MYRIP: variants seen among roughly 807,000 people sequenced by gnomAD.
MYRIP encodes the protein myosin VIIA and Rab interacting protein.
MYRIP carries 49 observed loss-of-function variants against 98.0 expected under a neutral mutation model. The ratio of observed to expected loss-of-function variants is 0.50; its 90% CI spans 0.40 to 0.63. The LOEUF is 0.63. MYRIP is among the 30% of genes least tolerant of loss of function. The pLI is 0.00. For missense variants in MYRIP, 1,004 were observed against 1,058.2 expected (o/e 0.95, Z 0.71); for synonymous variants, 404 against 409.5 (o/e 0.99, Z 0.16).
chr3:39,880,213 C>A (rs965777286), intron 1 of MYRIP, among the ~76,000 whole-genome samples: 18 of 152,184 alleles, frequency 1.2e-4, no homozygotes, highest in Non-Finnish European at 1.8e-4. Flanking sequence ...CCCACTCCCC[C>A]CAGGGTCAAA....
chr3:40,074,574 C>A (rs1948302746), intron 3 of MYRIP, among the ~76,000 whole-genome samples: 1 of 151,698 alleles, frequency 6.6e-6, no homozygotes, highest in Admixed American at 6.6e-5. Flanking sequence ...TTAGTAACTT[C>A]AAAAAGTAAC....
At chr3:40,234,953 A>G (rs527934384) in intron 12 of MYRIP, among the ~76,000 whole-genome samples, 1 of 148,902 alleles carries the variant, frequency 6.7e-6, no homozygotes, top group African/African-American at 2.5e-5. Context: ...AGGTGGTGCC[A>G]TTGCACTCCA....
At chr3:39,997,320 A>T (rs950184197) in intron 2 of MYRIP, among the ~76,000 whole-genome samples, 26 of 152,162 alleles carry the variant, frequency 1.7e-4, no homozygotes, top group Non-Finnish European at 8.8e-5. Context: ...GAGAAGAATC[A>T]AAAAGATGGA....
intron 2 of MYRIP, among the ~76,000 whole-genome samples, chr3:40,039,295 A>G (rs762861052): frequency 3.3e-5 from 5 of 152,172 alleles, no homozygotes; most frequent in South Asian, 2.1e-4. Context: ...GTTGAAAACA[A>G]TCTTCATCAG....
chr3:39,837,381 T>C (rs1276914840), intron 1 of MYRIP, among the ~76,000 whole-genome samples: 1 of 152,194 alleles, frequency 6.6e-6, no homozygotes, highest in Non-Finnish European at 1.5e-5. Context: ...CCATCTTGAG[T>C]TAATTTTTGT....
chr3:40,116,303 C>A (rs115354892), intron 3 of MYRIP, among the ~76,000 whole-genome samples: 2,544 of 152,210 alleles, frequency 0.017, 24 homozygotes, highest in Middle Eastern at 0.048. Flanking sequence ...GAAAGTAAGA[C>A]GTGGTCTCAA....
chr3:39,857,577 G>A (rs907168406), intron 1 of MYRIP, among the ~76,000 whole-genome samples: 1 of 152,026 alleles, frequency 6.6e-6, no homozygotes, highest in Non-Finnish European at 1.5e-5. Context: ...GAATGAAAGA[G>A]TGAAGGAAGC....
At position 39,917,397 on chromosome 3, in the gene MYRIP, A is replaced by G. The variant is rs1486948131; in HGVS notation, c.110+16471A>G. 6.1e-5 allele frequency among the ~76,000 whole-genome samples: 9 copies of G among 148,080 alleles called. No homozygotes were observed. The East Asian group carries it at 1.2e-3, about 19-fold the overall frequency. On this transcript the variant is annotated intron_variant, in intron 2 of 16. Coordinates refer to ENST00000302541, the MANE Select transcript of MYRIP (RefSeq NM_015460.4). ...AGTGAAACTAAACACAAACATAAAAAGAGTCAAAACTACTGGGTTTATCTA... is the reference window on the plus strand; with the variant it reads ...AGTGAAACTAAACACAAACATAAAAGGAGTCAAAACTACTGGGTTTATCTA...
At chr3:39,973,133 C>T (rs1945640698) in intron 2 of MYRIP, among the ~76,000 whole-genome samples, 2 of 152,024 alleles carry the variant, frequency 1.3e-5, no homozygotes, top group African/African-American at 4.8e-5. Flanking sequence ...CAAGACCCAT[C>T]AGGGTGCTGT....
intron 11 of MYRIP, among the ~76,000 whole-genome samples, chr3:40,219,352 T>C (rs79423502): frequency 3.9e-5 from 6 of 152,226 alleles, no homozygotes; most frequent in African/African-American, 1.2e-4. Flanking sequence ...ATTATTATCA[T>C]AGTTTAAGTT....
chr3:40,078,965 A>G (rs1001546942), intron 3 of MYRIP, among the ~76,000 whole-genome samples: 5 of 152,178 alleles, frequency 3.3e-5, no homozygotes, highest in Non-Finnish European at 7.3e-5. Context: ...TTCCTTCTCC[A>G]GTTTCACTTC....
intron 3 of MYRIP, among the ~76,000 whole-genome samples, chr3:40,131,934 C>T (rs1210872059): frequency 6.6e-6 from 1 of 151,852 alleles, no homozygotes; most frequent in Non-Finnish European, 1.5e-5. Context: ...GAGAAGGGCC[C>T]CTTCTGAATA....
In MYRIP at chr3:39,987,873, T is replaced by G. The variant is rs555354259; in HGVS notation, c.111-56177T>G. On this transcript the variant is annotated intron_variant, in intron 2 of 16. Coordinates refer to ENST00000302541, the MANE Select transcript of MYRIP (RefSeq NM_015460.4). ...GACACATGCACACGTATGTTTATTGTGGCACTATTCACAATAGCAAAGACT... is the reference window on the plus strand; with the variant it reads ...GACACATGCACACGTATGTTTATTGGGGCACTATTCACAATAGCAAAGACT... Among the ~76,000 whole-genome samples the G allele has an allele frequency of 3.9e-5, 6 of 152,244 alleles. No individual in the cohort carries two copies. The South Asian group carries it at 1.2e-3, about 32-fold the overall frequency.
At chr3:39,979,655 C>A (rs4369973) in intron 2 of MYRIP, among the ~76,000 whole-genome samples, 38,817 of 130,472 alleles carry the variant, frequency 0.3, 5,806 homozygotes, top group Non-Finnish European at 0.37. Context: ...CAAAACAAAA[C>A]AAAAAAAAAA....
intron 1 of MYRIP, among the ~76,000 whole-genome samples, chr3:39,820,583 T>C (rs1036219633): frequency 6.6e-6 from 1 of 152,238 alleles, no homozygotes; most frequent in Non-Finnish European, 1.5e-5. Flanking sequence ...TTGCTTCTTC[T>C]GAAAAGCAAT....
chr3:39,942,199 C>T (rs1944801970), intron 2 of MYRIP, among the ~76,000 whole-genome samples: 1 of 152,080 alleles, frequency 6.6e-6, no homozygotes. Context: ...AATGTGTGTT[C>T]AGTGCAGGTC....
At chr3:40,043,960 G>A in intron 2 of MYRIP, 90 bp from the exon 3 acceptor site, 1 of 1,228,784 alleles carries the variant, frequency 8.1e-7, no homozygotes, top group Non-Finnish European at 1.2e-6. Flanking sequence ...TGGCCTAAGG[G>A]AGGGACAGGG....
At chr3:40,130,347 A>G (rs984881287) in intron 3 of MYRIP, among the ~76,000 whole-genome samples, 9 of 151,820 alleles carry the variant, frequency 5.9e-5, no homozygotes, top group Non-Finnish European at 1.3e-4. Context: ...TGGACCAAGG[A>G]GGTCATAAAT....
At chr3:39,913,365 T>A (rs1347636550) in intron 2 of MYRIP, among the ~76,000 whole-genome samples, 3 of 152,144 alleles carry the variant, frequency 2.0e-5, no homozygotes, top group Admixed American at 6.5e-5. Flanking sequence ...ACAAAACACA[T>A]TAGTTTTGTC....
Sources: gnomAD v4.1 joint callset for allele counts (sites outside exome capture counted in the v4.1 genomes callset) on GRCh38, gnomAD v4.1.1 for gene constraint, MANE v1.5 for transcripts, NCBI Gene and HGNC (gene_info 2026-07-23, HGNC 2026-07-21) for gene names.